The following ADGRA2 variants were observed in gnomAD, a reference collection of about 807,000 sequenced individuals.
ADGRA2 encodes G-protein coupled receptor 124.
A neutral mutation model predicts 98.7 loss-of-function variants in ADGRA2; 61 were observed. That is an observed-to-expected ratio of 0.62 (90% CI 0.50 to 0.76). The LOEUF is 0.76. ADGRA2 is among the 30% of genes least tolerant of loss of function. ADGRA2 has a pLI of 0.00. For synonymous variants in ADGRA2, 858 were observed against 831.5 expected, an observed-to-expected ratio of 1.03 and a Z score of -0.55; for missense variants, 1,712 against 1,860.0, an observed-to-expected ratio of 0.92 and a Z score of 1.46.
rs889760075 is a variant in ADGRA2, at chr8:37,842,495, C to G, written c.*140C>G. On this transcript the variant is annotated 3_prime_UTR_variant, in exon 19 of 19. Transcript: ENST00000412232. The stretch of plus-strand genomic sequence containing the variant: ...GGAGGAAGCCCACAGGCGGATGTTC[C>G]CCACTTGCCTAGAGGGCATCCCTCT... 1.2e-5 allele frequency: 16 copies of G among 1,329,872 alleles called. No homozygotes were observed. The African/African-American group carries it at 2.5e-4, about 21-fold the overall frequency. The allele number at this position is 1,329,872 out of a possible 1,614,324, so 82.4% of individuals were successfully genotyped here.
chr8:37,823,053 G>A (rs578054578), intron 2 of ADGRA2, among the ~76,000 whole-genome samples: 3 of 151,742 alleles, frequency 2.0e-5, no homozygotes, highest in African/African-American at 2.4e-5. Context: ...TACCACACCC[G>A]GCTAATTTTT....
At chr8:37,800,323 A>G (rs935951652) in intron 1 of ADGRA2, among the ~76,000 whole-genome samples, 3 of 152,208 alleles carry the variant, frequency 2.0e-5, no homozygotes, top group Non-Finnish European at 4.4e-5. Flanking sequence ...GGTGAGCTGC[A>G]CAGAAGCAAA....
Position 37,797,611 on chromosome 8 carries a change from AG to A in ADGRA2, c.266+82del. ...GAGGCGAGACGGGAGGGGTGGGAGCAGGGGGAAGGGGGCTATCCCCCCACTT... is the reference window on the plus strand; with the variant it reads ...GAGGCGAGACGGGAGGGGTGGGAGCAGGGGAAGGGGGCTATCCCCCCACTT... On this transcript the variant is annotated intron_variant, in intron 1 of 18. Transcript: ENST00000412232. This position sits in a 1 kb window ranked among gnomAD's most constrained non-coding sequence, Gnocchi z 5.3. The A allele has an allele frequency of 1.7e-6, 1 of 589,820 alleles. No homozygotes were observed. Among genetic ancestry groups the A allele is most frequent in the Non-Finnish European group, 2.3e-6 (1 of 435,322 alleles). 36.5% of individuals were successfully genotyped at this position (589,820 alleles called of 1,614,324 possible).
chr8:37,829,055 C>T (rs185859866), intron 3 of ADGRA2, 96 bp downstream of exon 3: 5 of 898,886 alleles, frequency 5.6e-6, no homozygotes, highest in South Asian at 5.0e-5. Context: ...CTCACCCCCC[C>T]ACACCTGCCC....
chr8:37,820,015 TGGCAGACCCCAAATCTGTAGGGCA>T (rs1181071520), intron 2 of ADGRA2, among the ~76,000 whole-genome samples: 11 of 152,204 alleles, frequency 7.2e-5, no homozygotes, highest in African/African-American at 2.7e-4. Context: ...TTGTGGGGGC[TGGCAGACCCCAAATCTGTAGGGCA>T]GGCCAGCAGT....
Position 37,830,299 on chromosome 8 carries a change from G to A in ADGRA2, c.718+285G>A, listed in dbSNP as rs1805415349. Among the ~76,000 whole-genome samples, 1 of 152,106 alleles carries A rather than the reference G, an allele frequency of 6.6e-6. No individual in the cohort carries two copies. Among genetic ancestry groups the A allele is most frequent in the African/African-American group, 2.4e-5 (1 of 41,414 alleles). ...AAAAAGAATCACATTTACTATCCCA[G>A]CGACCCTCCCTGTGAGGCGGGGCCA... On this transcript the variant is annotated intron_variant, in intron 6 of 18. Transcript: ENST00000412232. This position sits in a 1 kb window ranked among gnomAD's most constrained non-coding sequence, Gnocchi z 4.8.
chr8:37,818,406 G>A (rs910337422), intron 2 of ADGRA2, among the ~76,000 whole-genome samples: 5 of 152,208 alleles, frequency 3.3e-5, no homozygotes, highest in African/African-American at 9.6e-5. Flanking sequence ...ATGAAAAGAC[G>A]GCCTGTCCTT....
At chr8:37,828,828 C>A in intron 2 of ADGRA2, 60 bp from the exon 3 acceptor site, 2 of 1,385,036 alleles carry the variant, frequency 1.4e-6, no homozygotes, top group Admixed American at 2.1e-5. Flanking sequence ...GGACCCCTCC[C>A]GGGGAGCAGG....
Position 37,829,914 on chromosome 8 carries a change from G to T in ADGRA2, c.618G>T (p.Gln206His). ...CHLRWLLPWA[Q>H]NRSLQLSEHT... ...TGCGCTGGCTGCTGCCCTGGGCCCA[G>T]AATCGCTCCCTGCAGCTGTCGGAAC... The change falls in exon 6 of 19, where the codon CAG becomes CAT. Residue 206 changes from glutamine (Q) to histidine (H), a missense_variant. Transcript: ENST00000412232. 1 of 1,612,722 alleles carries T rather than the reference G, an allele frequency of 6.2e-7. No individual in the cohort carries two copies.
rs771937841 is a variant in ADGRA2 at position 37,835,790 on chromosome 8, GC to G, written c.2050+24del. On this transcript the variant is annotated intron_variant, in intron 13 of 18. Transcript: ENST00000412232. ...GAACCAGTAAGGGACTGAATTCCCC[GC>G]CCCGCCCAGGGTGCCTCTCGTGTGT... is the stretch of plus-strand genomic sequence containing the variant. 6.6e-7 allele frequency: 1 copy of G among 1,520,160 alleles called. No individual in the cohort carries two copies. The highest frequency in any genetic ancestry group is 9.1e-7 in the Non-Finnish European group (1 of 1,097,352). 94.2% of individuals were successfully genotyped at this position (1,520,160 alleles called of 1,614,324 possible). A position where few individuals can be genotyped will look rare whatever the true frequency, so the allele number is the denominator to read the frequency against.
chr8:37,822,444 G>T (rs1805154875), intron 2 of ADGRA2, among the ~76,000 whole-genome samples: 1 of 126,202 alleles, frequency 7.9e-6, no homozygotes. Flanking sequence ...CTCTTTAACG[G>T]CTCTAGTGAG....
At chr8:37,812,155 GTT>G (rs1491344926) in intron 1 of ADGRA2, among the ~76,000 whole-genome samples, 318 of 60,200 alleles carry the variant, frequency 5.3e-3, no homozygotes, top group African/African-American at 0.012. Flanking sequence ...TTGCAATGGT[GTT>G]GTTGTTGTTG....
chr8:37,808,584 G>GCA (rs1563338819), intron 1 of ADGRA2, among the ~76,000 whole-genome samples: 1 of 151,956 alleles, frequency 6.6e-6, no homozygotes, highest in African/African-American at 2.4e-5. Flanking sequence ...GTGTGTGTGT[G>GCA]TGTGCATGGG....
chr8:37,831,447 C>A lies in ADGRA2; in HGVS notation c.957C>A (p.Gly319=). 1 of 1,612,390 alleles carries A rather than the reference C, an allele frequency of 6.2e-7. No homozygotes were observed. Among genetic ancestry groups the A allele is most frequent in the Non-Finnish European group, 8.5e-7 (1 of 1,180,004 alleles). The change falls in exon 8 of 19, where the codon GGC becomes GGA. Residue 319 remains glycine, a synonymous_variant. Transcript: ENST00000412232. The part of the protein sequence containing the change: ...ITSELTLSHI[G]VWASGEWECT... Reference sequence around the variant, plus strand: ...GTGAGCTGACGCTGTCTCACATCGGCGTGTGGGCCTCAGGCGAGTGGGAGT... The same window carrying A: ...GTGAGCTGACGCTGTCTCACATCGGAGTGTGGGCCTCAGGCGAGTGGGAGT...
rs1181360122 is a variant in ADGRA2, at chr8:37,833,742, A to T, written c.1351A>T (p.Thr451Ser). 2 of 1,614,142 alleles carry T rather than the reference A, an allele frequency of 1.2e-6. No homozygotes were observed. The highest frequency in any genetic ancestry group is 4.5e-5 in the East Asian group (2 of 44,888). ...CCTGGCTCACCAGCTGCGCGTGTAC[A>T]CAGCCGAGGCCGCTAGCTTTTCAGA... ...LTLAHQLRVY[T>S]AEAASFSDMM... is the part of the protein sequence containing the mutation. The change falls in exon 10 of 19, where the codon ACA becomes TCA. Residue 451 changes from threonine to serine, a missense_variant. Thr to Ser is a moderately conservative substitution (Grantham distance 58). Transcript: ENST00000412232.
In ADGRA2 at chr8:37,841,493, G is replaced by C. The variant is rs141777717; in HGVS notation, c.3155G>C (p.Cys1052Ser). Residue 1052 changes from cysteine to serine, a missense_variant, in exon 19 of 19, where the codon TGC becomes TCC. Coordinates refer to ENST00000412232, the MANE Select transcript of ADGRA2 (RefSeq NM_032777.10). This position sits in a 1 kb window ranked among gnomAD's most constrained non-coding sequence, Gnocchi z 5.0. ...TGGCTGCCCCGGGTGGTGTGCAGCT[G>C]CTTGTACGGGGTGGCAGCCTCCGCC... ...QRWLPRVVCS[C>S]LYGVAASALG... The C allele has an allele frequency of 3.7e-6, 6 of 1,612,922 alleles. No homozygotes were observed. In the African/African-American group the frequency reaches 6.7e-5, roughly 18 times the overall value.
intron 1 of ADGRA2, among the ~76,000 whole-genome samples, chr8:37,811,613 A>T (rs1804835495): frequency 1.3e-5 from 2 of 148,212 alleles, no homozygotes; most frequent in Admixed American, 6.8e-5. Flanking sequence ...AGTAGCTGGG[A>T]TTACAGGCAT....
intron 1 of ADGRA2, among the ~76,000 whole-genome samples, chr8:37,804,704 C>G (rs925965353): frequency 6.6e-6 from 1 of 152,222 alleles, no homozygotes; most frequent in African/African-American, 2.4e-5. Context: ...AACAGCTCTG[C>G]AGGCAGGAAG....
At position 37,803,580 on chromosome 8, in the gene ADGRA2, C is replaced by T. The variant is rs1287086769; in HGVS notation, c.266+6046C>T. Among the ~76,000 whole-genome samples, 5 of 152,200 alleles carry T rather than the reference C, an allele frequency of 3.3e-5. 1 individual carries two copies. In the East Asian group the frequency reaches 9.6e-4, roughly 29 times the overall value. ...AGCTGCCTCCTCCCCTTCCTCCCTC[C>T]TCCAGGGGCCCCCATCCTTCCCAAA... is the stretch of plus-strand genomic sequence containing the variant. On this transcript the variant is annotated intron_variant, in intron 1 of 18. Transcript: ENST00000412232.
Sources: allele counts gnomAD v4.1 joint callset (sites outside exome capture counted in the v4.1 genomes callset), GRCh38; gene constraint gnomAD v4.1.1; non-coding constraint Gnocchi (gnomAD v3.1); transcripts MANE v1.5; gene names NCBI Gene and HGNC (gene_info 2026-07-23, HGNC 2026-07-21).